CAMK1D: variants seen among roughly 807,000 people sequenced by gnomAD.
CAMK1D encodes calcium/calmodulin-dependent protein kinase type 1D.
Under a neutral mutation model 47.7 loss-of-function variants are expected in CAMK1D, and 9 were observed. The observed-to-expected ratio is 0.19, with a 90% confidence interval of 0.11 to 0.33. The LOEUF (loss-of-function observed/expected upper bound fraction) is 0.33, where lower values mean the gene tolerates loss of function less well. Among genes scored for constraint, CAMK1D ranks in the 10% least tolerant of loss-of-function variants. CAMK1D has a pLI of 1.00. For missense variants in CAMK1D, 291 were observed against 488.7 expected, an observed-to-expected ratio of 0.60 and a Z score of 3.81; for synonymous variants, 184 against 184.9, an observed-to-expected ratio of 0.99 and a Z score of 0.04.
chr10:12,600,139 A>T lies in CAMK1D; in HGVS notation c.224+46783A>T, dbSNP rs116710365. Among the ~76,000 whole-genome samples, 671 of 152,258 alleles carry T rather than the reference A, an allele frequency of 4.4e-3. 7 individuals carry two copies. The highest frequency in any genetic ancestry group is 0.015 in the African/African-American group (640 of 41,556). On this transcript the variant is annotated intron_variant, in intron 2 of 10. Coordinates refer to ENST00000619168, the MANE Select transcript of CAMK1D (RefSeq NM_153498.4). ...AGAGAGAGGGAAGGAGGGTGGGAAG[A>T]AGGAAATAGCAGAACAATAGAAGTT...
chr10:12,769,792 C>T lies in CAMK1D; in HGVS notation c.558C>T (p.Gly186=). Reference sequence around the variant, plus strand: ...TGTCCACTGCCTGTGGAACTCCAGGCTATGTCGGTAAGGACAGTGCATGTG... The same window carrying T: ...TGTCCACTGCCTGTGGAACTCCAGGTTATGTCGGTAAGGACAGTGCATGTG... ...DVMSTACGTP[G]YVAPEVLAQK... is the part of the protein sequence containing the mutation. The change falls in exon 5 of 11, where the codon GGC becomes GGT. Residue 186 remains glycine (G), a synonymous_variant. Transcript: ENST00000619168. 1 of 1,614,092 alleles carries T rather than the reference C, an allele frequency of 6.2e-7. No individual in the cohort carries two copies. The highest frequency in any genetic ancestry group is 8.5e-7 in the Non-Finnish European group (1 of 1,179,948).
At chr10:12,462,226 C>T (rs770861048) in intron 1 of CAMK1D, among the ~76,000 whole-genome samples, 2 of 126,594 alleles carry the variant, frequency 1.6e-5, no homozygotes, top group East Asian at 2.6e-4. Flanking sequence ...AGTGCGGTGG[C>T]GTGATCTTGG....
At chr10:12,573,831 C>CTTTT (rs34038018) in intron 2 of CAMK1D, among the ~76,000 whole-genome samples, 2,781 of 63,968 alleles carry the variant, frequency 0.043, 462 homozygotes, top group East Asian at 0.15. Context: ...ATTAAAAAAA[C>CTTTT]TTTTTTTTTT....
At chr10:12,734,817 C>T (rs1835110513) in intron 3 of CAMK1D, among the ~76,000 whole-genome samples, 1 of 152,110 alleles carries the variant, frequency 6.6e-6, no homozygotes, top group South Asian at 2.1e-4. Flanking sequence ...TTTCAAGCTG[C>T]CTTTCAGGCC....
rs1019987638 is a variant in CAMK1D, at chr10:12,523,225, T to C, written c.93-30000T>C. On this transcript the variant is annotated intron_variant, in intron 1 of 10. Coordinates refer to ENST00000619168, the MANE Select transcript of CAMK1D (RefSeq NM_153498.4). ...GAGGTGCTCCCCACATTTCAGATGATGGGCGGCCGGGAAGAGGCGCTCCTC... is the reference window on the plus strand; with the variant it reads ...GAGGTGCTCCCCACATTTCAGATGACGGGCGGCCGGGAAGAGGCGCTCCTC... Among the ~76,000 whole-genome samples, 752 of 140,216 alleles carry C rather than the reference T, an allele frequency of 5.4e-3. 9 individuals carry two copies. The highest frequency in any genetic ancestry group is 0.019 in the African/African-American group (716 of 37,096). 92.0% of individuals were successfully genotyped at this position (140,216 alleles called of 152,430 possible).
At chr10:12,432,577 G>A (rs1832516695) in intron 1 of CAMK1D, among the ~76,000 whole-genome samples, 1 of 152,218 alleles carries the variant, frequency 6.6e-6, no homozygotes, top group Non-Finnish European at 1.5e-5. Flanking sequence ...ATGGGCAAAT[G>A]AACAAATGAA....
chr10:12,539,578 A>G lies in CAMK1D; in HGVS notation c.93-13647A>G, dbSNP rs528829789. 7.2e-5 allele frequency among the ~76,000 whole-genome samples: 11 copies of G among 152,336 alleles called. No homozygotes were observed. In the South Asian group the frequency reaches 1.2e-3, roughly 17 times the overall value. ...GTTTGTAGCAGTCAGAGAGCAGAAC[A>G]TGAGCATCTGCTAGGTCTGGTTCCC... On this transcript the variant is annotated intron_variant, in intron 1 of 10. Transcript: ENST00000619168.
chr10:12,504,617 T>C (rs373818989), intron 1 of CAMK1D, among the ~76,000 whole-genome samples: 2 of 152,152 alleles, frequency 1.3e-5, no homozygotes, highest in African/African-American at 2.4e-5. Flanking sequence ...CTTTACCAGC[T>C]TTTTGGGAAC....
chr10:12,416,066 A>G (rs967769631), intron 1 of CAMK1D: 12 of 152,208 alleles, frequency 7.9e-5, no homozygotes, highest in African/African-American at 2.9e-4. Context: ...ATTTCTAACT[A>G]TATGATTGTG....
At chr10:12,424,618 AGT>A (rs1334847251) in intron 1 of CAMK1D, among the ~76,000 whole-genome samples, 1 of 152,096 alleles carries the variant, frequency 6.6e-6, no homozygotes, top group Non-Finnish European at 1.5e-5. Context: ...TGATTCTCAA[AGT>A]ACAAGTCTGA....
At chr10:12,405,270 C>T (rs143524848) in intron 1 of CAMK1D, among the ~76,000 whole-genome samples, 2 of 152,248 alleles carry the variant, frequency 1.3e-5, no homozygotes, top group Admixed American at 6.5e-5. Flanking sequence ...AGACCTAAAG[C>T]GTTTAAGTTC....
At chr10:12,683,066 T>C (rs1241568045) in intron 3 of CAMK1D, among the ~76,000 whole-genome samples, 1 of 150,618 alleles carries the variant, frequency 6.6e-6, no homozygotes, top group Non-Finnish European at 1.5e-5. Flanking sequence ...GGATTACAGG[T>C]GCATGCCACC....
intron 8 of CAMK1D, among the ~76,000 whole-genome samples, chr10:12,819,725 ATT>A (rs1190483088): frequency 3.9e-5 from 6 of 152,036 alleles, no homozygotes; most frequent in Admixed American, 2.6e-4. Context: ...CTGAGGTTTG[ATT>A]TTAGACAACC....
rs1263417451 is a variant in CAMK1D at position 12,382,833 on chromosome 10, A to G, written c.92+32923A>G. ...GAGTGAGACTTCATCTCAAACAAAC[A>G]AACAAACAAACATGACTTCAAGTAA... On this transcript the variant is annotated intron_variant, in intron 1 of 10. Transcript: ENST00000619168. Among the ~76,000 whole-genome samples, 3 of 152,190 alleles carry G rather than the reference A, an allele frequency of 2.0e-5. No homozygotes were observed. In the East Asian group the frequency reaches 5.8e-4, roughly 29 times the overall value.
chr10:12,431,005 C>T (rs1159450750), intron 1 of CAMK1D, among the ~76,000 whole-genome samples: 2 of 152,210 alleles, frequency 1.3e-5, no homozygotes, highest in Non-Finnish European at 2.9e-5. Flanking sequence ...CCGCTTTGGC[C>T]TCCCAAAGTG....
intron 1 of CAMK1D, among the ~76,000 whole-genome samples, chr10:12,552,889 G>C (rs956284129): frequency 6.6e-6 from 1 of 152,062 alleles, no homozygotes; most frequent in African/African-American, 2.4e-5. Flanking sequence ...TTACAGGTGC[G>C]TGCCACCACC....
intron 5 of CAMK1D, among the ~76,000 whole-genome samples, chr10:12,782,444 CT>C (rs1837541288): frequency 6.6e-6 from 1 of 152,144 alleles, no homozygotes; most frequent in East Asian, 1.9e-4. Flanking sequence ...CAACACGAAG[CT>C]TAATTTTATT....
intron 1 of CAMK1D, among the ~76,000 whole-genome samples, chr10:12,504,225 T>TACCAC (rs1554779038): frequency 6.1e-5 from 9 of 147,734 alleles, no homozygotes; most frequent in African/African-American, 1.0e-4. Context: ...ATACACATTT[T>TACCAC]ACACACACAC....
intron 3 of CAMK1D, among the ~76,000 whole-genome samples, chr10:12,751,123 T>A (rs140849922): frequency 2.8e-4 from 34 of 120,630 alleles, no homozygotes; most frequent in South Asian, 7.5e-4. Flanking sequence ...TAAGATAAGA[T>A]AAGAAGGCTT....
Sources: allele counts gnomAD v4.1 joint callset (sites outside exome capture counted in the v4.1 genomes callset), GRCh38; gene constraint gnomAD v4.1.1; transcripts MANE v1.5; gene names NCBI Gene and HGNC (gene_info 2026-07-23, HGNC 2026-07-21).